The following ELF2 variants were observed in gnomAD, a reference collection of about 807,000 sequenced individuals.
ELF2 encodes the protein ETS-related transcription factor Elf-2.
A neutral mutation model predicts 54.8 loss-of-function variants in ELF2; 11 were observed. The observed-to-expected ratio is 0.20, with a 90% CI of 0.13 to 0.33. The LOEUF (loss-of-function observed/expected upper bound fraction) is 0.33. ELF2 is among the 10% of genes least tolerant of loss of function. ELF2 has a pLI of 1.00. For missense variants in ELF2, 513 were observed against 703.0 expected, an observed-to-expected ratio of 0.73 and a Z score of 3.06; for synonymous variants, 203 against 245.1, an observed-to-expected ratio of 0.83 and a Z score of 1.61.
chr4:139,084,211 T>G (rs768430541), intron 4 of ELF2: 13 of 1,612,892 alleles, frequency 8.1e-6, no homozygotes, highest in Non-Finnish European at 1.0e-5. Flanking sequence ...GGGCTGGAGC[T>G]GCTGCTTCAC....
intron 1 of ELF2, among the ~76,000 whole-genome samples, chr4:139,158,148 T>C (rs891274260): frequency 3.3e-5 from 5 of 152,000 alleles, no homozygotes; most frequent in South Asian, 2.1e-4. Flanking sequence ...TCAAAGGCGG[T>C]AGTTCTCTGG....
At chr4:139,167,959 A>C (rs1465815293) in intron 1 of ELF2, among the ~76,000 whole-genome samples, 1 of 152,190 alleles carries the variant, frequency 6.6e-6, no homozygotes, top group Non-Finnish European at 1.5e-5. Context: ...GAAATTTCAC[A>C]ATCAGTAGCT....
chr4:139,078,969 C>T (rs768117004), intron 4 of ELF2, among the ~76,000 whole-genome samples: 26 of 152,238 alleles, frequency 1.7e-4, no homozygotes, highest in Middle Eastern at 3.4e-3. Flanking sequence ...CGCTTTGTTG[C>T]TCAGGTTGGA....
At chr4:139,105,704 C>A (rs891859423) in intron 4 of ELF2, among the ~76,000 whole-genome samples, 3 of 152,090 alleles carry the variant, frequency 2.0e-5, no homozygotes, top group Non-Finnish European at 4.4e-5. Flanking sequence ...GGGCAACATA[C>A]AGAGATTCCA....
At chr4:139,090,293 G>T (rs748025132) in intron 4 of ELF2, among the ~76,000 whole-genome samples, 14 of 152,142 alleles carry the variant, frequency 9.2e-5, no homozygotes, top group Non-Finnish European at 1.6e-4. Flanking sequence ...TGGTTTGGCA[G>T]AGTTACGATT....
In ELF2 at chr4:139,151,084, GAAA is replaced by G. The variant is rs1739934950; in HGVS notation, c.-251-11590_-251-11588del. On this transcript the variant is annotated intron_variant, in intron 1 of 9. Coordinates refer to ENST00000686138, the MANE Select transcript of ELF2 (RefSeq NM_001331036.3). The stretch of plus-strand genomic sequence containing the variant: ...AGAAAGAAAGAAAGAAAGAAAGAAA[GAAA>G]GAAAGAAAAAGAGAGCTATTTAATA... 1.5e-5 allele frequency among the ~76,000 whole-genome samples: 2 copies of G among 131,662 alleles called. 1 individual carries two copies. The highest frequency in any genetic ancestry group is 5.3e-5 in the African/African-American group (2 of 37,768). The allele number at this position is 131,662 out of a possible 152,430, so 86.4% of individuals were successfully genotyped here. A position where few individuals can be genotyped will look rare whatever the true frequency, so the allele number is the denominator to read the frequency against.
chr4:139,067,854 T>A, intron 6 of ELF2, 84 bp from the exon 7 acceptor site: 1 of 1,310,114 alleles, frequency 7.6e-7, no homozygotes, highest in Non-Finnish European at 1.1e-6. Flanking sequence ...GATTACACAT[T>A]ATTCATTTAA....
intron 1 of ELF2, among the ~76,000 whole-genome samples, chr4:139,175,439 G>A (rs1009653006): frequency 6.6e-6 from 1 of 152,042 alleles, no homozygotes; most frequent in Non-Finnish European, 1.5e-5. Context: ...ACTAGATATC[G>A]TCTCAATAAT....
chr4:139,168,833 G>A (rs891742451), intron 1 of ELF2, among the ~76,000 whole-genome samples: 23 of 152,102 alleles, frequency 1.5e-4, no homozygotes, highest in Middle Eastern at 3.4e-3. Context: ...CTCCCAAAGC[G>A]CCAGGATTAC....
chr4:139,163,304 G>T (rs2148904015), intron 1 of ELF2, among the ~76,000 whole-genome samples: 1 of 151,972 alleles, frequency 6.6e-6, no homozygotes, highest in South Asian at 2.1e-4. Flanking sequence ...TGAGAAAAAA[G>T]AATAACTGTA....
At chr4:139,123,160 GC>G (rs1736565209) in intron 4 of ELF2, among the ~76,000 whole-genome samples, 2 of 149,934 alleles carry the variant, frequency 1.3e-5, no homozygotes, top group Non-Finnish European at 3.0e-5. Flanking sequence ...CTTCAGCCTG[GC>G]GACAGAGCGA....
At chr4:139,116,123 G>C (rs1295410996) in intron 4 of ELF2, among the ~76,000 whole-genome samples, 1 of 152,132 alleles carries the variant, frequency 6.6e-6, no homozygotes, top group Non-Finnish European at 1.5e-5. Context: ...ACTATACCTG[G>C]CTGATAGTTA....
chr4:139,151,101 A>T (rs1316939258), intron 1 of ELF2, among the ~76,000 whole-genome samples: 2 of 150,932 alleles, frequency 1.3e-5, no homozygotes, highest in Admixed American at 1.3e-4. Context: ...AGAAAAAGAG[A>T]GCTATTTAAT....
chr4:139,152,519 T>C lies in ELF2; in HGVS notation c.-251-13022A>G, dbSNP rs548785400. 3.3e-5 allele frequency among the ~76,000 whole-genome samples: 5 copies of C among 152,104 alleles called. 1 individual carries two copies. In the South Asian group the frequency reaches 1.0e-3, roughly 32 times the overall value. On this transcript the variant is annotated intron_variant, in intron 1 of 9. Coordinates refer to ENST00000686138, the MANE Select transcript of ELF2 (RefSeq NM_001331036.3). Reference sequence around the variant, plus strand: ...GCTAATTTTTTTTATTCTATAGAGATGGGGTCTCCCTATGTTGCCCAGGTT... The same window carrying C: ...GCTAATTTTTTTTATTCTATAGAGACGGGGTCTCCCTATGTTGCCCAGGTT...
In ELF2 at chr4:139,151,028, AAAAAAAAG is replaced by A. The variant is rs1187383276; in HGVS notation, c.-251-11539_-251-11532del. On this transcript the variant is annotated intron_variant, in intron 1 of 9. Transcript: ENST00000686138. ...GACGGAACGAGGCTCCATCTCAAAA[AAAAAAAAG>A]AAAGAAAGAAAGAAAGAAAGAAAGA... Among the ~76,000 whole-genome samples the A allele has an allele frequency of 9.7e-4, 102 of 105,312 alleles. 2 individuals carry two copies. Among genetic ancestry groups the A allele is most frequent in the African/African-American group, 4.2e-3 (73 of 17,566 alleles). The allele number at this position is 105,312 out of a possible 152,430, so 69.1% of individuals were successfully genotyped here. A position where few individuals can be genotyped will look rare whatever the true frequency, so the allele number is the denominator to read the frequency against.
At chr4:139,117,483 CA>C (rs1407324647) in intron 4 of ELF2, among the ~76,000 whole-genome samples, 1 of 150,168 alleles carries the variant, frequency 6.7e-6, no homozygotes, top group Non-Finnish European at 1.5e-5. Context: ...CGCATGAGGC[CA>C]GGAGTTCGAG....
chr4:139,149,194 A>G (rs565526704), intron 1 of ELF2, among the ~76,000 whole-genome samples: 1 of 152,258 alleles, frequency 6.6e-6, no homozygotes, highest in Non-Finnish European at 1.5e-5. Context: ...ACTCATAGGA[A>G]ATTTAAAATA....
chr4:139,119,206 G>A (rs1465701643), intron 4 of ELF2, among the ~76,000 whole-genome samples: 1 of 152,040 alleles, frequency 6.6e-6, no homozygotes, highest in Non-Finnish European at 1.5e-5. Context: ...TCCTTCCTTG[G>A]GAAAAATCTA....
At chr4:139,128,263 A>G (rs946651451) in intron 3 of ELF2, among the ~76,000 whole-genome samples, 1 of 125,490 alleles carries the variant, frequency 8.0e-6, no homozygotes, top group Non-Finnish European at 1.7e-5. Context: ...AACTGAGAAC[A>G]AGTCTCAAAA....
Sources: allele counts gnomAD v4.1 joint callset (sites outside exome capture counted in the v4.1 genomes callset), GRCh38; gene constraint gnomAD v4.1.1; transcripts MANE v1.5; gene names NCBI Gene and HGNC (gene_info 2026-07-23, HGNC 2026-07-21).